Variants in GTSF1 observed in about 807,000 individuals in gnomAD.
The protein encoded by GTSF1 is gametocyte specific factor 1.
Under a neutral mutation model 28.9 loss-of-function variants are expected in GTSF1, and 11 were observed. That is an observed-to-expected ratio of 0.38 (90% confidence interval 0.24 to 0.63). The LOEUF (loss-of-function observed/expected upper bound fraction) is 0.63, where lower values mean the gene tolerates loss of function less well. GTSF1 is among the 30% of genes least tolerant of loss of function. GTSF1 has a pLI of 0.56. For missense variants in GTSF1, 146 were observed against 201.0 expected, an observed-to-expected ratio of 0.73 and a Z score of 1.66; for synonymous variants, 69 against 65.6, an observed-to-expected ratio of 1.05 and a Z score of -0.25.
intron 1 of GTSF1, chr12:54,472,427 T>C (rs1956604837): frequency 6.6e-6 from 1 of 152,234 alleles, no homozygotes; most frequent in Non-Finnish European, 1.5e-5. Flanking sequence ...ACTCAAGAAC[T>C]GTCCATATTA....
intron 1 of GTSF1, 107 bp downstream of exon 1, chr12:54,473,439 G>C (rs1030117573): frequency 2.0e-5 from 3 of 152,208 alleles, no homozygotes; most frequent in African/African-American, 4.8e-5. Context: ...AGCCCACAAG[G>C]CTGAAGGCTA....
chr12:54,457,546 T>C (rs1438669819), intron 8 of GTSF1, among the ~76,000 whole-genome samples: 7 of 152,138 alleles, frequency 4.6e-5, no homozygotes, highest in Non-Finnish European at 1.0e-4. Flanking sequence ...TCCCAAAGTG[T>C]TGGGATTACA....
intron 3 of GTSF1, 80 bp from the exon 4 acceptor site, chr12:54,463,377 A>G: frequency 7.4e-7 from 1 of 1,351,438 alleles, no homozygotes; most frequent in Non-Finnish European, 1.0e-6. Context: ...CTTATTCTAC[A>G]AATGCCTCCC....
At chr12:54,457,663 A>T (rs1565656250) in intron 8 of GTSF1, among the ~76,000 whole-genome samples, 1 of 152,064 alleles carries the variant, frequency 6.6e-6, no homozygotes, top group Non-Finnish European at 1.5e-5. Flanking sequence ...CAGTCATGGT[A>T]CACTTTATCC....
intron 3 of GTSF1, 60 bp from the exon 4 acceptor site, chr12:54,463,357 G>T: frequency 6.4e-7 from 1 of 1,562,348 alleles, no homozygotes; most frequent in South Asian, 1.1e-5. Flanking sequence ...TCAACAGGGA[G>T]TAGCTAAGCC....
At chr12:54,473,008 C>T (rs1212724655) in intron 1 of GTSF1, among the ~76,000 whole-genome samples, 1 of 152,060 alleles carries the variant, frequency 6.6e-6, no homozygotes, top group Non-Finnish European at 1.5e-5. Flanking sequence ...CTATTCTTCC[C>T]GGACAAAAGG....
intron 7 of GTSF1, chr12:54,459,611 C>T (rs1353750937): frequency 3.1e-6 from 1 of 323,162 alleles, no homozygotes; most frequent in African/African-American, 2.2e-5. Context: ...CATCTGAATA[C>T]CATTCTTTAT....
At chr12:54,473,329 G>A (rs1481131843) in intron 1 of GTSF1, among the ~76,000 whole-genome samples, 1 of 152,120 alleles carries the variant, frequency 6.6e-6, no homozygotes, top group Non-Finnish European at 1.5e-5. Context: ...AGAAAGTGGG[G>A]GAGGTGGTTA....
chr12:54,467,757 A>C (rs1408432903), intron 2 of GTSF1, among the ~76,000 whole-genome samples: 2 of 151,574 alleles, frequency 1.3e-5, no homozygotes, highest in African/African-American at 4.8e-5. Flanking sequence ...TTATTAATGG[A>C]CATTTACATT....
At chr12:54,462,767 C>G in intron 4 of GTSF1, 42 bp from the exon 5 acceptor site, 1 of 1,512,526 alleles carries the variant, frequency 6.6e-7, no homozygotes. Context: ...GGGATATTGC[C>G]AAGTTATTGT....
intron 1 of GTSF1, chr12:54,472,233 G>A (rs1001091115): frequency 1.3e-5 from 2 of 152,152 alleles, no homozygotes; most frequent in Admixed American, 1.3e-4. Context: ...GGAAACACTA[G>A]TTCACCATTT....
chr12:54,473,506 T>C (rs910905822), intron 1 of GTSF1, 40 bp downstream of exon 1: 3 of 152,050 alleles, frequency 2.0e-5, no homozygotes, highest in Admixed American at 6.5e-5. Flanking sequence ...GTACGCAAAA[T>C]AGGAATTGCT....
chr12:54,472,371 A>G (rs1319357442), intron 1 of GTSF1: 1 of 152,214 alleles, frequency 6.6e-6, no homozygotes, highest in African/African-American at 2.4e-5. Flanking sequence ...TCTCCAATTA[A>G]TACTCATTCC....
intron 5 of GTSF1, 148 bp from the exon 6 acceptor site, chr12:54,462,320 A>T: frequency 1.6e-6 from 1 of 617,792 alleles, no homozygotes; most frequent in Non-Finnish European, 2.9e-6. Context: ...TAAGTGACAC[A>T]GTAGCAAGAA....
chr12:54,459,465 A>G (rs772888414), intron 7 of GTSF1: 1 of 1,314,224 alleles, frequency 7.6e-7, no homozygotes, highest in South Asian at 1.2e-5. Flanking sequence ...TAGGGGCAAC[A>G]TTGGAAAAGA....
intron 3 of GTSF1, among the ~76,000 whole-genome samples, chr12:54,463,942 TTTTAAAACAA>T (rs1956466913): frequency 6.6e-6 from 1 of 152,182 alleles, no homozygotes; most frequent in African/African-American, 2.4e-5. Flanking sequence ...AAGTTCCTTA[TTTTAAAACAA>T]AACAAAGGGT....
intron 2 of GTSF1, among the ~76,000 whole-genome samples, chr12:54,468,399 G>A (rs1054630884): frequency 6.6e-6 from 1 of 152,178 alleles, no homozygotes; most frequent in Non-Finnish European, 1.5e-5. Context: ...GGGATTACAG[G>A]CATAAGCCAC....
intron 8 of GTSF1, among the ~76,000 whole-genome samples, chr12:54,456,691 T>A (rs1956336544): frequency 1.3e-5 from 2 of 152,178 alleles, no homozygotes; most frequent in Admixed American, 6.5e-5. Context: ...TTCAAAAACA[T>A]TTCACTCACA....
At chr12:54,456,291 C>G (rs1490238354) in intron 8 of GTSF1, 138 bp from the exon 9 acceptor site, 1 of 152,164 alleles carries the variant, frequency 6.6e-6, no homozygotes, top group Admixed American at 6.5e-5. Flanking sequence ...TTGTTGATGG[C>G]AGAACACCAA....
Sources: allele counts gnomAD v4.1 joint callset (sites outside exome capture counted in the v4.1 genomes callset), GRCh38; gene constraint gnomAD v4.1.1; transcripts MANE v1.5; gene names NCBI Gene and HGNC (gene_info 2026-07-23, HGNC 2026-07-21).